The following PDE1C variants were observed in gnomAD, a reference collection of about 807,000 sequenced individuals.
The protein encoded by PDE1C is phosphodiesterase 1C.
PDE1C carries 62 observed loss-of-function variants against 93.1 expected under a neutral mutation model. That is an observed-to-expected ratio of 0.67 (90% CI 0.54 to 0.82). PDE1C has a LOEUF of 0.82. PDE1C is among the 40% of genes least tolerant of loss of function. The probability of loss-of-function intolerance (pLI) is 0.00; values close to 1 mark genes in which losing one functional copy is unlikely to be tolerated. For synonymous variants in PDE1C, 325 were observed against 310.1 expected (o/e 1.05, Z -0.50); for missense variants, 742 against 884.6 (o/e 0.84, Z 2.04).
At chr7:31,909,916 A>G (rs758893078) in intron 2 of PDE1C, among the ~76,000 whole-genome samples, 14 of 152,122 alleles carry the variant, frequency 9.2e-5, no homozygotes, top group South Asian at 2.1e-4. Context: ...GGGCTGTCCC[A>G]TGCAGTGTAG....
intron 1 of PDE1C, among the ~76,000 whole-genome samples, chr7:32,215,587 T>C (rs1194492015): frequency 6.6e-5 from 10 of 152,136 alleles, no homozygotes; most frequent in Non-Finnish European, 1.2e-4. Flanking sequence ...GGAAGATAAC[T>C]TGGAGCAATG....
At chr7:32,416,976 T>C (rs1401998869) in intron 1 of PDE1C, among the ~76,000 whole-genome samples, 2 of 152,016 alleles carry the variant, frequency 1.3e-5, no homozygotes, top group African/African-American at 4.8e-5. Context: ...ATATGGGAGC[T>C]AGCCATAAAC....
chr7:31,695,310 A>G, the PDE1C span, among the ~76,000 whole-genome samples: 1 of 152,348 alleles, frequency 6.6e-6, no homozygotes, highest in South Asian at 2.1e-4. Context: ...CAAGGCTAAT[A>G]AAGTCCTTTG....
intron 2 of PDE1C, among the ~76,000 whole-genome samples, chr7:32,170,871 G>C (rs1294319164): frequency 1.3e-5 from 2 of 151,938 alleles, no homozygotes; most frequent in Non-Finnish European, 2.9e-5. Flanking sequence ...CTCCCTTATA[G>C]GACTTTCTCA....
the PDE1C span, chr7:31,687,090 C>CGATG: frequency 6.6e-5 from 10 of 152,358 alleles, no homozygotes; most frequent in East Asian, 1.9e-3. Flanking sequence ...TGGAGAGCAG[C>CGATG]GATGGAGATG....
chr7:31,851,871 T>C lies in PDE1C; in HGVS notation c.751-1130A>G, dbSNP rs567664933. On this transcript the variant is annotated intron_variant, in intron 7 of 17. Transcript: ENST00000396191. ...GAGCAGAACACATTTATAGAAAAGT[T>C]AGAGAGCTTCTGCACTCAGTTTGCT... Among the ~76,000 whole-genome samples the C allele has an allele frequency of 3.3e-5, 5 of 152,302 alleles. No individual in the cohort carries two copies. The South Asian group carries it at 8.3e-4, about 25-fold the overall frequency.
At chr7:32,414,482 C>A (rs1283492466) in intron 1 of PDE1C, among the ~76,000 whole-genome samples, 2 of 152,152 alleles carry the variant, frequency 1.3e-5, no homozygotes, top group Non-Finnish European at 2.9e-5. Flanking sequence ...CAGTAGCTAT[C>A]TTTAGCTGGT....
chr7:31,974,391 T>G (rs1351020996), intron 2 of PDE1C, among the ~76,000 whole-genome samples: 1 of 152,216 alleles, frequency 6.6e-6, no homozygotes, highest in Non-Finnish European at 1.5e-5. Flanking sequence ...AAATTATCCC[T>G]TTTAGAACTG....
intron 2 of PDE1C, among the ~76,000 whole-genome samples, chr7:31,989,823 A>T (rs957632991): frequency 6.6e-6 from 1 of 152,218 alleles, no homozygotes; most frequent in African/African-American, 2.4e-5. Flanking sequence ...TTTACTACTT[A>T]CACAATCATA....
chr7:32,184,636 C>T (rs138425271), intron 2 of PDE1C, among the ~76,000 whole-genome samples: 1,562 of 152,134 alleles, frequency 0.01, 18 homozygotes, highest in Non-Finnish European at 0.016. Flanking sequence ...ACATCACACA[C>T]TGGGGCCTGT....
intron 8 of PDE1C, among the ~76,000 whole-genome samples, chr7:31,849,160 G>A (rs184061341): frequency 9.1e-4 from 138 of 152,316 alleles, no homozygotes; most frequent in Non-Finnish European, 1.6e-3. Context: ...GAGTAAGTTA[G>A]ATACCAACTG....
At chr7:32,094,251 G>A (rs1797628198) in intron 3 of PDE1C, among the ~76,000 whole-genome samples, 1 of 152,120 alleles carries the variant, frequency 6.6e-6, no homozygotes, top group African/African-American at 2.4e-5. Context: ...CAAAGAGTAA[G>A]GAAAAGATGC....
intron 1 of PDE1C, among the ~76,000 whole-genome samples, chr7:32,418,230 A>AT (rs972365817): frequency 4.6e-5 from 7 of 150,734 alleles, no homozygotes; most frequent in African/African-American, 1.7e-4. Flanking sequence ...AAGTTGGCCA[A>AT]TTATTTTTTT....
At chr7:31,907,140 T>C (rs1034780386) in intron 2 of PDE1C, among the ~76,000 whole-genome samples, 20 of 151,800 alleles carry the variant, frequency 1.3e-4, no homozygotes, top group African/African-American at 4.8e-4. Flanking sequence ...TGATGGGAAA[T>C]TCTGACCCTA....
intron 1 of PDE1C, among the ~76,000 whole-genome samples, chr7:32,284,963 G>T (rs906272336): frequency 6.6e-6 from 1 of 151,208 alleles, no homozygotes. Flanking sequence ...CTGGGAGGCA[G>T]AAGTTGCAGT....
chr7:31,648,582 T>C, the PDE1C span, among the ~76,000 whole-genome samples: 2 of 152,194 alleles, frequency 1.3e-5, no homozygotes, highest in African/African-American at 4.8e-5. Context: ...CCCAGTCTTA[T>C]ACCTTTCAAT....
chr7:32,085,202 C>G (rs1796992823), intron 3 of PDE1C, among the ~76,000 whole-genome samples: 2 of 151,534 alleles, frequency 1.3e-5, no homozygotes, highest in Admixed American at 6.6e-5. Context: ...ATACAAACTA[C>G]CATCAGAGAA....
intron 15 of PDE1C, among the ~76,000 whole-genome samples, chr7:31,813,325 TTC>T (rs1046524806): frequency 5.9e-5 from 9 of 152,102 alleles, no homozygotes; most frequent in African/African-American, 2.2e-4. Context: ...CACACACCTT[TTC>T]TGTCACTCTA....
chr7:31,913,712 CTGT>C (rs1801537979), intron 2 of PDE1C, among the ~76,000 whole-genome samples: 1 of 152,206 alleles, frequency 6.6e-6, no homozygotes, highest in South Asian at 2.1e-4. Context: ...TAAAGAGATG[CTGT>C]GTCATCCCCT....
Sources: allele counts gnomAD v4.1 joint callset (sites outside exome capture counted in the v4.1 genomes callset), GRCh38; gene constraint gnomAD v4.1.1; transcripts MANE v1.5; gene names NCBI Gene and HGNC (gene_info 2026-07-23, HGNC 2026-07-21).